Variants in TULP3 observed in about 807,000 individuals in gnomAD.
TULP3 encodes the protein tubby-related protein 3.
A neutral mutation model predicts 50.7 loss-of-function variants in TULP3; 38 were observed. The observed-to-expected ratio is 0.75, with a 90% CI of 0.58 to 0.98. TULP3 has a LOEUF of 0.98. TULP3 is among the 50% of genes least tolerant of loss of function. TULP3 has a pLI of 0.00. For synonymous variants in TULP3, 183 were observed against 196.6 expected (o/e 0.93, Z 0.58); for missense variants, 550 against 568.0 (o/e 0.97, Z 0.32).
chr12:2,926,872 A>C (rs763891569), intron 4 of TULP3, among the ~76,000 whole-genome samples: 10 of 152,190 alleles, frequency 6.6e-5, no homozygotes, highest in Non-Finnish European at 1.2e-4. Flanking sequence ...GCGCCATTGC[A>C]CTCCAGTCTG....
rs1008297542 is a variant in TULP3 at position 2,937,558 on chromosome 12, C to G, written c.925-73C>G. The G allele has an allele frequency of 3.2e-5, 34 of 1,060,406 alleles. No individual in the cohort carries two copies. The African/African-American group carries it at 4.9e-4, about 15-fold the overall frequency. The allele number at this position is 1,060,406 out of a possible 1,614,324, so 65.7% of individuals were successfully genotyped here. A position where few individuals can be genotyped will look rare whatever the true frequency, so the allele number is the denominator to read the frequency against. ...CAGCATCTTACATTCCCAAGAAAGT[C>G]TCATGTTATAAAAGAATGTGGTCTC... On this transcript the variant is annotated intron_variant, in intron 8 of 10. Transcript: ENST00000448120.
At chr12:2,899,345 C>CAAAAAAAAAAAAAAAAAAAAAAAA (rs55818833) in intron 1 of TULP3, among the ~76,000 whole-genome samples, 1 of 82,832 alleles carries the variant, frequency 1.2e-5, no homozygotes, top group Non-Finnish European at 2.4e-5. Flanking sequence ...AACGACGTCT[C>CAAAAAAAAAAAAAAAAAAAAAAAA]AAAAAAAAAA....
chr12:2,937,518 T>G, intron 8 of TULP3, 113 bp from the exon 9 acceptor site: 1 of 803,918 alleles, frequency 1.2e-6, no homozygotes, highest in Non-Finnish European at 2.1e-6. Flanking sequence ...CCCCGGCTGA[T>G]ACAGCTGATA....
At chr12:2,938,053 T>C in intron 9 of TULP3, 61 bp from the exon 10 acceptor site, 1 of 1,576,136 alleles carries the variant, frequency 6.3e-7, no homozygotes, top group Non-Finnish European at 8.7e-7. Context: ...TCTCCTACTC[T>C]ACCTTCTACC....
At chr12:2,930,127 A>T in intron 4 of TULP3, 121 bp from the exon 5 acceptor site, 1 of 668,582 alleles carries the variant, frequency 1.5e-6, no homozygotes, top group Non-Finnish European at 2.5e-6. Flanking sequence ...TGGACAAAAT[A>T]GTTGTGTTTA....
At chr12:2,920,606 C>T (rs1201991986) in intron 2 of TULP3, among the ~76,000 whole-genome samples, 157 bp from the exon 3 acceptor site, 1 of 152,118 alleles carries the variant, frequency 6.6e-6, no homozygotes, top group Non-Finnish European at 1.5e-5. Flanking sequence ...TGAATCCTTA[C>T]TCCTCTCTGT....
At chr12:2,924,898 C>T (rs376172727) in intron 4 of TULP3, among the ~76,000 whole-genome samples, 2 of 152,014 alleles carry the variant, frequency 1.3e-5, no homozygotes, top group East Asian at 3.9e-4. Context: ...AAAAATAGGG[C>T]TGGGCGCTAT....
rs564396918 is a variant in TULP3, at chr12:2,939,821, C to T, written c.*377C>T. On this transcript the variant is annotated 3_prime_UTR_variant, in exon 11 of 11. Coordinates refer to ENST00000448120, the MANE Select transcript of TULP3 (RefSeq NM_003324.5). The surrounding 1 kb of genome is among the most constrained non-coding windows in gnomAD (Gnocchi z 4.0). ...ATATATAAAACACACACACACCCCG[C>T]GCACTCTCACTCCTTTTCCAGGTTT... The T allele has an allele frequency of 6.2e-5, 74 of 1,187,780 alleles. 1 individual carries two copies. The African/African-American group carries it at 7.4e-4, about 12-fold the overall frequency. 73.6% of individuals were successfully genotyped at this position (1,187,780 alleles called of 1,614,324 possible).
chr12:2,934,973 A>G (rs1425857521), intron 8 of TULP3, among the ~76,000 whole-genome samples: 1 of 149,034 alleles, frequency 6.7e-6, no homozygotes, highest in Non-Finnish European at 1.5e-5. Flanking sequence ...TTTAAATTGT[A>G]TCTTATTATT....
chr12:2,897,771 T>TAA (rs71057851), intron 1 of TULP3, among the ~76,000 whole-genome samples: 20 of 125,748 alleles, frequency 1.6e-4, no homozygotes, highest in Admixed American at 2.5e-4. Context: ...CCCTGTCTCT[T>TAA]AAAAAAAAAA....
intron 1 of TULP3, among the ~76,000 whole-genome samples, chr12:2,903,264 T>C (rs1042492743): frequency 1.3e-5 from 2 of 152,186 alleles, no homozygotes; most frequent in African/African-American, 4.8e-5. Context: ...TTTCTTTTTT[T>C]CTATTTTGAA....
chr12:2,937,409 G>T (rs1180741988), intron 8 of TULP3, among the ~76,000 whole-genome samples: 1 of 151,230 alleles, frequency 6.6e-6, no homozygotes, highest in Non-Finnish European at 1.5e-5. Flanking sequence ...TAGAGACAGG[G>T]TTTCACCATG....
At chr12:2,929,093 C>T (rs540369750) in intron 4 of TULP3, among the ~76,000 whole-genome samples, 124 of 151,180 alleles carry the variant, frequency 8.2e-4, no homozygotes, top group African/African-American at 2.8e-3. Context: ...CCGAGACGGG[C>T]GGATCACGAG....
rs555088815 is a variant in TULP3 at position 2,934,837 on chromosome 12, A to C, written c.924+276A>C. Among the ~76,000 whole-genome samples the C allele has an allele frequency of 4.1e-4, 63 of 152,166 alleles. 1 individual carries two copies. The highest frequency in any genetic ancestry group is 7.4e-4 in the Non-Finnish European group (50 of 68,026). ...ACTTCTTACCCAGTGGCCAAAGGTT[A>C]CAATAAATTAAAGCTGATCTTTTTT... On this transcript the variant is annotated intron_variant, in intron 8 of 10. Coordinates refer to ENST00000448120, the MANE Select transcript of TULP3 (RefSeq NM_003324.5).
chr12:2,893,471 C>G (rs951319536), intron 1 of TULP3, among the ~76,000 whole-genome samples: 3 of 151,928 alleles, frequency 2.0e-5, no homozygotes, highest in African/African-American at 4.8e-5. Flanking sequence ...CAGGCATGCG[C>G]CACCGTGCCC....
intron 1 of TULP3, among the ~76,000 whole-genome samples, chr12:2,896,051 C>T (rs961115755): frequency 6.6e-6 from 1 of 151,954 alleles, no homozygotes; most frequent in Non-Finnish European, 1.5e-5. Flanking sequence ...AGTGATTCTC[C>T]TGCCTCAGCC....
intron 8 of TULP3, among the ~76,000 whole-genome samples, chr12:2,936,070 C>T (rs920330007): frequency 6.6e-6 from 1 of 151,788 alleles, no homozygotes; most frequent in African/African-American, 2.4e-5. Context: ...AGGTGGAGAC[C>T]AGCCTGGCCA....
intron 2 of TULP3, among the ~76,000 whole-genome samples, chr12:2,911,195 C>A (rs1053471716): frequency 2.6e-5 from 4 of 151,496 alleles, no homozygotes; most frequent in Non-Finnish European, 5.9e-5. Flanking sequence ...CTTTTTGTAG[C>A]ACAATTTTTT....
At chr12:2,909,710 T>C in intron 2 of TULP3, 130 bp downstream of exon 2, 2 of 933,642 alleles carry the variant, frequency 2.1e-6, no homozygotes, top group Non-Finnish European at 1.6e-6. Flanking sequence ...GGTGGTTACC[T>C]GTGAAGCAGT....
Sources: gnomAD v4.1 joint callset for allele counts (sites outside exome capture counted in the v4.1 genomes callset) on GRCh38, gnomAD v4.1.1 for gene constraint, Gnocchi (gnomAD v3.1) non-coding constraint, MANE v1.5 for transcripts, NCBI Gene and HGNC (gene_info 2026-07-23, HGNC 2026-07-21) for gene names.